Variants in ZNF490 observed in about 807,000 individuals in gnomAD.
ZNF490 encodes the protein zinc finger protein 490.
In ZNF490, 11 loss-of-function variants were observed where a neutral mutation model predicts 17.7. That is an observed-to-expected ratio of 0.62 (90% CI 0.39 to 1.03). ZNF490 has a LOEUF of 1.03. ZNF490 is among the 50% of genes least tolerant of loss of function. ZNF490 has a pLI of 0.00. For synonymous variants in ZNF490, 222 were observed against 216.1 expected (o/e 1.03, Z -0.24); for missense variants, 542 against 643.4 (o/e 0.84, Z 1.71).
At chr19:12,609,778 A>T in intron 1 of ZNF490, 1 of 317,964 alleles carries the variant, frequency 3.1e-6, no homozygotes, top group Non-Finnish European at 6.1e-6. Flanking sequence ...GGAGCTAAAC[A>T]ATGGGTAAAC....
At chr19:12,608,999 A>T (rs2023107055) in intron 2 of ZNF490, among the ~76,000 whole-genome samples, 159 bp downstream of exon 2, 1 of 152,172 alleles carries the variant, frequency 6.6e-6, no homozygotes, top group Admixed American at 6.6e-5. Context: ...AGGGCAATGA[A>T]CAGGACATAC....
At chr19:12,591,739 C>T (rs1018231240) in intron 2 of ZNF490, among the ~76,000 whole-genome samples, 1 of 150,822 alleles carries the variant, frequency 6.6e-6, no homozygotes, top group African/African-American at 2.4e-5. Context: ...CTAAAAACAC[C>T]AAATGATGGT....
At chr19:12,590,456 T>TC (rs1568279933) in intron 2 of ZNF490, among the ~76,000 whole-genome samples, 1 of 148,476 alleles carries the variant, frequency 6.7e-6, no homozygotes, top group Non-Finnish European at 1.5e-5. Flanking sequence ...ACCTCAATGA[T>TC]CCCCCCAACC....
At chr19:12,589,639 C>CTATA (rs1418140629) in intron 2 of ZNF490, among the ~76,000 whole-genome samples, 4 of 148,062 alleles carry the variant, frequency 2.7e-5, no homozygotes, top group African/African-American at 1.0e-4. Context: ...TATTCAGAGG[C>CTATA]GCCGTCATAG....
intron 2 of ZNF490, among the ~76,000 whole-genome samples, chr19:12,595,485 A>AT (rs999732413): frequency 9.4e-5 from 14 of 148,682 alleles, no homozygotes; most frequent in East Asian, 2.0e-4. Flanking sequence ...AAAATGCTTC[A>AT]TTTTTTTTTC....
At chr19:12,582,211 A>C (rs2022745110) in intron 4 of ZNF490, among the ~76,000 whole-genome samples, 1 of 151,350 alleles carries the variant, frequency 6.6e-6, no homozygotes, top group Non-Finnish European at 1.5e-5. Flanking sequence ...AGGATTTTTA[A>C]ATGCTGTTTC....
rs182887217 is a variant in ZNF490 at position 12,584,447 on chromosome 19, C to T, written c.163-891G>A. ...CTGGGATTACAGGCGTGAGCCACCG[C>T]GCCCGGCCACCTTATTGCTCTTTAA... is the stretch of plus-strand genomic sequence containing the variant. On this transcript the variant is annotated intron_variant, in intron 2 of 4. Coordinates refer to ENST00000311437, the MANE Select transcript of ZNF490 (RefSeq NM_020714.3). Among the ~76,000 whole-genome samples, 48 of 94,602 alleles carry T rather than the reference C, an allele frequency of 5.1e-4. 10 individuals are homozygous for T. The highest frequency in any genetic ancestry group is 4.9e-3 in the East Asian group (24 of 4,896). 62.1% of individuals were successfully genotyped at this position (94,602 alleles called of 152,430 possible).
At chr19:12,583,321 G>A (rs896131473) in intron 3 of ZNF490, 109 bp downstream of exon 3, 39 of 1,323,194 alleles carry the variant, frequency 2.9e-5, no homozygotes, top group African/African-American at 2.7e-4. Flanking sequence ...TTACAGGCGC[G>A]AGCCACCGTG....
Position 12,581,386 on chromosome 19 carries a change from G to A in ZNF490, c.689C>T (p.Ala230Val), listed in dbSNP as rs1185800049. The change falls in exon 5 of 5, where the codon GCC (alanine) becomes GTC (valine). Residue 230 changes from alanine (A) to valine (V), a missense_variant. Transcript: ENST00000311437. ...TCGAAAGGAAAAGAGAAATGCGAAG[G>A]CTTTGCCACATTCCTTACATTCATA... is the stretch of plus-strand genomic sequence containing the variant. ...KPYECKECGK[A>V]FAFLFSFRNH... is the part of the protein sequence containing the mutation. 6.2e-7 allele frequency: 1 copy of A among 1,614,130 alleles called. No individual in the cohort carries two copies. The highest frequency in any genetic ancestry group is 1.1e-5 in the South Asian group (1 of 91,086).
chr19:12,608,457 G>GTATGTATT (rs964038274), intron 2 of ZNF490, among the ~76,000 whole-genome samples: 2 of 149,552 alleles, frequency 1.3e-5, no homozygotes, highest in African/African-American at 4.9e-5. Context: ...ATTTATTTAT[G>GTATGTATT]TATTTATTTA....
intron 2 of ZNF490, among the ~76,000 whole-genome samples, chr19:12,586,162 T>A (rs966149245): frequency 4.4e-5 from 4 of 91,568 alleles, no homozygotes; most frequent in African/African-American, 1.3e-4. Context: ...ATTTGCCGGG[T>A]GTGGTGGGCA....
intron 2 of ZNF490, among the ~76,000 whole-genome samples, chr19:12,603,868 T>C (rs1456058630): frequency 1.3e-5 from 2 of 151,542 alleles, no homozygotes; most frequent in Non-Finnish European, 2.9e-5. Context: ...GTGGAAGAAA[T>C]GTCTTTAGTT....
intron 2 of ZNF490, among the ~76,000 whole-genome samples, chr19:12,594,039 C>T (rs1023475109): frequency 6.6e-6 from 1 of 152,170 alleles, no homozygotes; most frequent in Non-Finnish European, 1.5e-5. Flanking sequence ...TTCAGGATAA[C>T]CTAGTACAAG....
intron 2 of ZNF490, among the ~76,000 whole-genome samples, chr19:12,593,129 C>T (rs1420527489): frequency 2.0e-5 from 3 of 152,080 alleles, no homozygotes; most frequent in South Asian, 2.1e-4. Flanking sequence ...AACTCTTGCA[C>T]GAATATGAGT....
chr19:12,602,623 CTTTTTT>C (rs974396095), intron 2 of ZNF490, among the ~76,000 whole-genome samples: 2 of 138,626 alleles, frequency 1.4e-5, no homozygotes, highest in Non-Finnish European at 3.2e-5. Flanking sequence ...ATGTATATTT[CTTTTTT>C]TTTTTTTTTG....
At position 12,580,616 on chromosome 19, in the gene ZNF490, T is replaced by G; in HGVS notation, c.1459A>C (p.Asn487His). 6.2e-7 allele frequency: 1 copy of G among 1,614,168 alleles called. No homozygotes were observed. Among genetic ancestry groups the G allele is most frequent in the Non-Finnish European group, 8.5e-7 (1 of 1,180,026 alleles). Residue 487 changes from asparagine to histidine, a missense_variant, in exon 5 of 5, where the codon AAT becomes CAT. Transcript: ENST00000311437. ...KQCGKAFTCL[N>H]SLKVHKRIHT... The stretch of plus-strand genomic sequence containing the variant: ...ATTCTTTTGTGTACTTTCAGGGAAT[T>G]TAAACAAGTGAAAGCTTTGCCACAC...
intron 2 of ZNF490, among the ~76,000 whole-genome samples, chr19:12,586,651 G>C (rs562720994): frequency 1.1e-5 from 1 of 94,472 alleles, no homozygotes; most frequent in East Asian, 2.0e-4. Context: ...AGATATAAAA[G>C]AGATGCTGGA....
rs1452119560 is a variant in ZNF490, at chr19:12,580,742, G to T, written c.1333C>A (p.Pro445Thr). 9.3e-6 allele frequency: 15 copies of T among 1,614,182 alleles called. No homozygotes were observed. The highest frequency in any genetic ancestry group is 1.1e-5 in the Non-Finnish European group (13 of 1,180,034). ...IHERTHTREKPYECKQCGRVF... is the reference protein window; with the variant it reads ...IHERTHTREKTYECKQCGRVF... Reference sequence around the variant, plus strand: ...CGACCACACTGTTTGCATTCATAGGGTTTCTCTCTAGTATGGGTTCTTTCA... The same window carrying T: ...CGACCACACTGTTTGCATTCATAGGTTTTCTCTCTAGTATGGGTTCTTTCA... Residue 445 changes from proline to threonine, a missense_variant, in exon 5 of 5, where the codon CCC becomes ACC. Transcript: ENST00000311437.
rs540945280 is a variant in ZNF490 at position 12,580,183 on chromosome 19, G to A, written c.*302C>T. On this transcript the variant is annotated 3_prime_UTR_variant, in exon 5 of 5. Coordinates refer to ENST00000311437, the MANE Select transcript of ZNF490 (RefSeq NM_020714.3). Reference sequence around the variant, plus strand: ...GAATTTTCTTTATAGTTTCTCTCCAGTATATATTCTCAGGTGTCTTTAAAA... The same window carrying A: ...GAATTTTCTTTATAGTTTCTCTCCAATATATATTCTCAGGTGTCTTTAAAA... The A allele has an allele frequency of 8.9e-7, 1 of 1,125,384 alleles. No homozygotes were observed. Among genetic ancestry groups the A allele is most frequent in the East Asian group, 4.8e-5 (1 of 20,892 alleles). The allele number at this position is 1,125,384 out of a possible 1,614,324, so 69.7% of individuals were successfully genotyped here. A position where few individuals can be genotyped will look rare whatever the true frequency, so the allele number is the denominator to read the frequency against.
Sources: allele counts gnomAD v4.1 joint callset (sites outside exome capture counted in the v4.1 genomes callset), GRCh38; gene constraint gnomAD v4.1.1; transcripts MANE v1.5; gene names NCBI Gene and HGNC (gene_info 2026-07-23, HGNC 2026-07-21).